The following CA8 variants were observed in gnomAD, a reference collection of about 807,000 sequenced individuals.
The protein encoded by CA8 is carbonic anhydrase 8 (inactive).
A neutral mutation model predicts 41.4 loss-of-function variants in CA8; 22 were observed. That is an observed-to-expected ratio of 0.53 (90% CI 0.38 to 0.76). CA8 has a LOEUF of 0.76. Among genes scored for constraint, CA8 ranks in the 30% least tolerant of loss-of-function variants. The pLI, the probability that CA8 is intolerant of heterozygous loss-of-function variation, is 0.00. For missense variants in CA8, 270 were observed against 352.8 expected (o/e 0.77, Z 1.88); for synonymous variants, 121 against 130.6 (o/e 0.93, Z 0.50).
At chr8:60,222,891 T>C (rs1807300587) in intron 6 of CA8, 130 bp from the exon 7 acceptor site, 1 of 709,362 alleles carries the variant, frequency 1.4e-6, no homozygotes, top group South Asian at 1.5e-5. Flanking sequence ...ATTTTTAAAC[T>C]AGAGCCCCAC....
chr8:60,242,506 G>T (rs1348184807), intron 3 of CA8, among the ~76,000 whole-genome samples: 1 of 152,222 alleles, frequency 6.6e-6, no homozygotes, highest in African/African-American at 2.4e-5. Flanking sequence ...ACACTGCACA[G>T]TGTGAGTATT....
chr8:60,246,601 C>T (rs920085012), intron 3 of CA8, among the ~76,000 whole-genome samples: 11 of 152,078 alleles, frequency 7.2e-5, no homozygotes, highest in African/African-American at 2.4e-4. Flanking sequence ...CCCGGCCACA[C>T]ATTTGTGATA....
intron 3 of CA8, among the ~76,000 whole-genome samples, chr8:60,237,602 C>T (rs1360018316): frequency 6.6e-6 from 1 of 152,256 alleles, no homozygotes; most frequent in Non-Finnish European, 1.5e-5. Flanking sequence ...TGGACCTGCT[C>T]TACCTGGTAA....
intron 7 of CA8, among the ~76,000 whole-genome samples, chr8:60,221,786 G>C (rs1398749342): frequency 1.3e-5 from 2 of 152,058 alleles, no homozygotes; most frequent in Non-Finnish European, 2.9e-5. Context: ...GTTGGAAGAA[G>C]GATTTTTTTT....
At chr8:60,206,339 CTGTG>C (rs140184676) in intron 8 of CA8, among the ~76,000 whole-genome samples, 4 of 151,494 alleles carry the variant, frequency 2.6e-5, no homozygotes, top group African/African-American at 7.3e-5. Context: ...CAACATTTCT[CTGTG>C]TGTGTGTGTG....
At chr8:60,276,164 G>A (rs762321336) in intron 2 of CA8, among the ~76,000 whole-genome samples, 19 of 152,118 alleles carry the variant, frequency 1.2e-4, no homozygotes, top group Non-Finnish European at 2.2e-4. Flanking sequence ...AGGATGGCAC[G>A]GCATCCAGAA....
At chr8:60,263,583 T>C (rs1301468378) in intron 3 of CA8, among the ~76,000 whole-genome samples, 1 of 152,130 alleles carries the variant, frequency 6.6e-6, no homozygotes, top group African/African-American at 2.4e-5. Flanking sequence ...AAAGGGTACC[T>C]GGTCTTACTC....
chr8:60,234,458 T>C (rs1041379828), intron 3 of CA8, among the ~76,000 whole-genome samples: 1 of 152,248 alleles, frequency 6.6e-6, no homozygotes, highest in African/African-American at 2.4e-5. Flanking sequence ...ACCATGCTAA[T>C]GTAAAATGTT....
intron 2 of CA8, among the ~76,000 whole-genome samples, chr8:60,272,163 A>G (rs1804093304): frequency 6.6e-6 from 1 of 152,102 alleles, no homozygotes; most frequent in Non-Finnish European, 1.5e-5. Flanking sequence ...GATCTCCTCC[A>G]CATCCCTGCT....
intron 2 of CA8, among the ~76,000 whole-genome samples, chr8:60,270,490 A>C (rs1220800017): frequency 6.6e-6 from 1 of 151,180 alleles, no homozygotes; most frequent in Non-Finnish European, 1.5e-5. Context: ...ATCTCGGCTC[A>C]CTGCAACCTC....
At chr8:60,254,877 A>C (rs1348711717) in intron 3 of CA8, among the ~76,000 whole-genome samples, 1 of 152,236 alleles carries the variant, frequency 6.6e-6, no homozygotes, top group Non-Finnish European at 1.5e-5. Flanking sequence ...AAACTATGTT[A>C]CTCTTAGATA....
chr8:60,208,759 G>A lies in CA8; in HGVS notation c.*26C>T, dbSNP rs755815659. On this transcript the variant is annotated 3_prime_UTR_variant, in exon 8 of 9. Coordinates refer to ENST00000317995, the MANE Select transcript of CA8 (RefSeq NM_004056.6). ...CTTAATCTGGACATACCCTCATGAA[G>A]ACAGACTTGTTCCTGTCCTCTTTGG... is the stretch of plus-strand genomic sequence containing the variant. 6.2e-7 allele frequency: 1 copy of A among 1,613,998 alleles called. No homozygotes were observed. Among genetic ancestry groups the A allele is most frequent in the East Asian group, 2.2e-5 (1 of 44,870 alleles).
At chr8:60,194,064 A>T (rs185380966) in intron 8 of CA8, among the ~76,000 whole-genome samples, 2 of 152,208 alleles carry the variant, frequency 1.3e-5, no homozygotes, top group East Asian at 3.9e-4. Context: ...TCATGCTTTC[A>T]GTTTCCAAAA....
chr8:60,279,980 A>T (rs967928895), intron 1 of CA8, 100 bp from the exon 2 acceptor site: 7 of 891,216 alleles, frequency 7.9e-6, no homozygotes. Flanking sequence ...GATATCATGA[A>T]GAGAGTAATG....
At chr8:60,195,408 T>C (rs1195903804) in intron 8 of CA8, among the ~76,000 whole-genome samples, 1 of 152,222 alleles carries the variant, frequency 6.6e-6, no homozygotes, top group Admixed American at 6.5e-5. Flanking sequence ...CACATCTTAC[T>C]CCTCAGAGGT....
intron 3 of CA8, among the ~76,000 whole-genome samples, chr8:60,252,280 G>C (rs1042208940): frequency 1.3e-5 from 2 of 150,462 alleles, no homozygotes; most frequent in Admixed American, 6.6e-5. Context: ...TAGATATCAA[G>C]AAAAAGTCCC....
intron 3 of CA8, among the ~76,000 whole-genome samples, chr8:60,254,489 C>T (rs1355785600): frequency 1.3e-5 from 2 of 152,198 alleles, no homozygotes; most frequent in Non-Finnish European, 2.9e-5. Flanking sequence ...AAACAAACCA[C>T]GTCAGCGCTG....
chr8:60,193,973 A>T (rs1240403269), intron 8 of CA8, among the ~76,000 whole-genome samples: 1 of 151,936 alleles, frequency 6.6e-6, no homozygotes, highest in East Asian at 1.9e-4. Flanking sequence ...TGTATTTTTC[A>T]TCTTTTTGCC....
chr8:60,260,901 A>G (rs1803712453), intron 3 of CA8, among the ~76,000 whole-genome samples: 1 of 152,206 alleles, frequency 6.6e-6, no homozygotes, highest in Non-Finnish European at 1.5e-5. Context: ...TTGAAAGGTT[A>G]TAATTTCACT....
Sources: allele counts gnomAD v4.1 joint callset (sites outside exome capture counted in the v4.1 genomes callset), GRCh38; gene constraint gnomAD v4.1.1; transcripts MANE v1.5; gene names NCBI Gene and HGNC (gene_info 2026-07-23, HGNC 2026-07-21).